The following MCPH1 variants were observed in gnomAD, a reference collection of about 807,000 sequenced individuals.
MCPH1 encodes microcephalin 1.
A neutral mutation model predicts 84.5 loss-of-function variants in MCPH1; 104 were observed. The observed-to-expected ratio is 1.23, with a 90% CI of 1.05 to 1.45. The LOEUF is 1.45. Among genes scored for constraint, MCPH1 ranks in the 40% most tolerant of loss-of-function variants. The pLI is 0.00. For synonymous variants in MCPH1, 514 were observed against 366.8 expected (o/e 1.40, Z -4.58); for missense variants, 1,498 against 1,005.7 (o/e 1.49, Z -6.62).
At chr8:6,633,288 A>G (rs2129582506) in intron 13 of MCPH1, among the ~76,000 whole-genome samples, 1 of 152,374 alleles carries the variant, frequency 6.6e-6, no homozygotes, top group South Asian at 2.1e-4. Context: ...ACATAGAAAC[A>G]TCAAAGAGAG....
At chr8:6,511,729 T>C (rs1815143544) in intron 12 of MCPH1, among the ~76,000 whole-genome samples, 1 of 152,222 alleles carries the variant, frequency 6.6e-6, no homozygotes, top group Admixed American at 6.5e-5. Flanking sequence ...TAAACCAATG[T>C]GTGTGTTTTT....
rs762333683 is a variant in MCPH1 at position 6,480,704 on chromosome 8, G to A, written c.1974-10G>A. On this transcript the variant is annotated splice_polypyrimidine_tract_variant and intron_variant, in intron 10 of 13. Transcript: ENST00000344683. ...CATTCATTTTGTTAATTTTTCCCCC[G>A]ATTTGACAGAAAGCAGAATGTCGTC... 69 of 1,614,036 alleles carry A rather than the reference G, an allele frequency of 4.3e-5. No homozygotes were observed. The highest frequency in any genetic ancestry group is 3.3e-4 in the Middle Eastern group (2 of 6,062).
Position 6,414,879 on chromosome 8 carries a change from G to A in MCPH1, c.229G>A (p.Glu77Lys). The change falls in exon 3 of 14, where the codon GAA (glutamate) becomes AAA (lysine). Residue 77 changes from glutamate to lysine, a missense_variant. Physicochemically the swap from Glu to Lys is moderately conservative, Grantham distance 56 (BLOSUM62 1). Transcript: ENST00000344683. ...GVKLVSVLWV[E>K]KCRTAGAHID... ...AAAGCTCGTTTCGGTGCTCTGGGTG[G>A]AAAAGTAAGCAGTTTCTCTCTTACT... 6.2e-7 allele frequency: 1 copy of A among 1,613,144 alleles called. No individual in the cohort carries two copies. Among genetic ancestry groups the A allele is most frequent in the Non-Finnish European group, 8.5e-7 (1 of 1,179,592 alleles).
intron 12 of MCPH1, among the ~76,000 whole-genome samples, chr8:6,585,158 C>T (rs561123158): frequency 2.0e-5 from 3 of 152,274 alleles, no homozygotes; most frequent in African/African-American, 7.2e-5. Flanking sequence ...CGGACTTTTC[C>T]GTGGCTAATG....
At chr8:6,495,897 A>T (rs1414895647) in intron 11 of MCPH1, among the ~76,000 whole-genome samples, 1 of 152,206 alleles carries the variant, frequency 6.6e-6, no homozygotes, top group Non-Finnish European at 1.5e-5. Flanking sequence ...TCTAACTATC[A>T]GATTTGATTT....
At chr8:6,478,718 G>C (rs561492036) in intron 10 of MCPH1, among the ~76,000 whole-genome samples, 1 of 152,078 alleles carries the variant, frequency 6.6e-6, no homozygotes, top group East Asian at 1.9e-4. Flanking sequence ...GTAGTTTAGA[G>C]CTTTTTACTT....
intron 12 of MCPH1, among the ~76,000 whole-genome samples, chr8:6,608,133 A>G (rs1198336578): frequency 1.3e-5 from 2 of 152,206 alleles, no homozygotes; most frequent in Non-Finnish European, 2.9e-5. Context: ...AAACCAGGAA[A>G]GGCAGACAGA....
chr8:6,469,344 G>A (rs769188308), intron 9 of MCPH1, among the ~76,000 whole-genome samples: 2 of 152,126 alleles, frequency 1.3e-5, no homozygotes, highest in Admixed American at 6.5e-5. Flanking sequence ...TTAAAGATCT[G>A]GGATCTCTTG....
intron 9 of MCPH1, among the ~76,000 whole-genome samples, chr8:6,472,900 C>G (rs554908893): frequency 3.3e-5 from 5 of 152,116 alleles, no homozygotes; most frequent in African/African-American, 1.2e-4. Context: ...TTTTGACTAC[C>G]TATTTAATCA....
At chr8:6,556,812 C>T (rs1445866381) in intron 12 of MCPH1, among the ~76,000 whole-genome samples, 1 of 152,042 alleles carries the variant, frequency 6.6e-6, no homozygotes, top group Non-Finnish European at 1.5e-5. Context: ...TGGTCTTGAA[C>T]TCCTGGCCTC....
rs80183577 is a variant in MCPH1 at position 6,456,989 on chromosome 8, A to G, written c.1935+1737A>G. 2.8e-4 allele frequency among the ~76,000 whole-genome samples: 43 copies of G among 152,276 alleles called. No individual in the cohort carries two copies. The East Asian group carries it at 8.1e-3, about 29-fold the overall frequency. Reference sequence around the variant, plus strand: ...CCTTCTGGCATTCTTCTGTAGATCAAATAGTAAGTGCTCCATAAATATAAG... The same window carrying G: ...CCTTCTGGCATTCTTCTGTAGATCAGATAGTAAGTGCTCCATAAATATAAG... On this transcript the variant is annotated intron_variant, in intron 9 of 13. Coordinates refer to ENST00000344683, the MANE Select transcript of MCPH1 (RefSeq NM_024596.5).
At chr8:6,539,729 G>C (rs1290827667) in intron 12 of MCPH1, among the ~76,000 whole-genome samples, 3 of 152,124 alleles carry the variant, frequency 2.0e-5, no homozygotes, top group African/African-American at 7.2e-5. Flanking sequence ...TGGGGTTACA[G>C]GCGCACACCA....
chr8:6,541,900 C>A (rs548863515), intron 12 of MCPH1, among the ~76,000 whole-genome samples: 1 of 151,258 alleles, frequency 6.6e-6, no homozygotes, highest in Non-Finnish European at 1.5e-5. Context: ...CCTAGCTACT[C>A]AGGAGGCTAA....
chr8:6,529,536 C>T lies in MCPH1; in HGVS notation c.2214+29607C>T, dbSNP rs1273123889. ...GCACCATATCTGTTCACTACAGACT[C>T]TGCCTCCCAGGCTTAAGCACTTCTT... On this transcript the variant is annotated intron_variant, in intron 12 of 13. Transcript: ENST00000344683. Among the ~76,000 whole-genome samples the T allele has an allele frequency of 2.6e-5, 4 of 150,972 alleles. No individual in the cohort carries two copies. In the South Asian group the frequency reaches 8.4e-4, roughly 32 times the overall value.
At chr8:6,473,963 G>A (rs191069398) in intron 9 of MCPH1, 59 of 1,257,200 alleles carry the variant, frequency 4.7e-5, no homozygotes, top group Non-Finnish European at 6.0e-5. Flanking sequence ...GTAGGATGCC[G>A]TGGCTTCTTC....
chr8:6,431,570 G>A lies in MCPH1; in HGVS notation c.305G>A (p.Ser102Asn), dbSNP rs2290145. 29 of 1,609,524 alleles carry A rather than the reference G, an allele frequency of 1.8e-5. No homozygotes were observed. In the East Asian group the frequency reaches 6.3e-4, roughly 35 times the overall value. The change falls in exon 4 of 14, where the codon AGC becomes AAC. Residue 102 changes from serine (S) to asparagine (N), a missense_variant. Transcript: ENST00000344683. ...PAANMNEHLS[S>N]LIKKKRKCMQ... ...GCTAATATGAATGAACACTTATCAA[G>A]CCTAATTAAAAAAAAAGTAAGTACA... is the stretch of plus-strand genomic sequence containing the variant.
rs143773817 is a variant in MCPH1 at position 6,646,496 on chromosome 8, G to C, written c.*3447G>C. ...ACTTTGAACAAAGGTGACGAGGCAA[G>C]TCAGTATAGCAGCATATTCTTTTCA... On this transcript the variant is annotated 3_prime_UTR_variant, in exon 14 of 14. Transcript: ENST00000344683. 23 of 152,328 alleles carry C rather than the reference G, an allele frequency of 1.5e-4. No individual in the cohort carries two copies. Among genetic ancestry groups the C allele is most frequent in the Admixed American group, 2.6e-4 (4 of 15,302 alleles). 9.4% of individuals were successfully genotyped at this position (152,328 alleles called of 1,614,324 possible). A position where few individuals can be genotyped will look rare whatever the true frequency, so the allele number is the denominator to read the frequency against.
chr8:6,609,107 A>G (rs1025158931), intron 12 of MCPH1, among the ~76,000 whole-genome samples: 1 of 152,198 alleles, frequency 6.6e-6, no homozygotes, highest in African/African-American at 2.4e-5. Flanking sequence ...ACAAATTTCT[A>G]TGCCACCTAT....
chr8:6,573,238 GC>G lies in MCPH1; in HGVS notation c.2215-48215del, dbSNP rs1222707172. On this transcript the variant is annotated intron_variant, in intron 12 of 13. Transcript: ENST00000344683. ...TGTGACTGAGAAAGGACTGTGGAGTGCTGTGTGCAGAAGGGCTTAGAGGAGG... is the reference window on the plus strand; with the variant it reads ...TGTGACTGAGAAAGGACTGTGGAGTGTGTGTGCAGAAGGGCTTAGAGGAGG... Among the ~76,000 whole-genome samples the G allele has an allele frequency of 3.3e-5, 5 of 152,216 alleles. No individual in the cohort carries two copies. In the East Asian group the frequency reaches 9.7e-4, roughly 29 times the overall value.
Sources: allele counts gnomAD v4.1 joint callset (sites outside exome capture counted in the v4.1 genomes callset), GRCh38; gene constraint gnomAD v4.1.1; transcripts MANE v1.5; gene names NCBI Gene and HGNC (gene_info 2026-07-23, HGNC 2026-07-21).